AGBL4: variants seen among roughly 807,000 people sequenced by gnomAD.
AGBL4 encodes AGBL carboxypeptidase 4.
A neutral mutation model predicts 66.4 loss-of-function variants in AGBL4; 58 were observed. The ratio of observed to expected loss-of-function variants is 0.87; its 90% confidence interval spans 0.71 to 1.09. The LOEUF is 1.09. Ranked by LOEUF, AGBL4 falls within the 50% of genes least tolerant of loss-of-function variation. AGBL4 has a pLI of 0.00. For synonymous variants in AGBL4, 234 were observed against 222.9 expected (o/e 1.05, Z -0.44); for missense variants, 579 against 631.0 (o/e 0.92, Z 0.88).
chr1:49,285,297 A>T lies in AGBL4; in HGVS notation c.283-39433T>A, dbSNP rs534982838. 1.9e-3 allele frequency among the ~76,000 whole-genome samples: 289 copies of T among 152,340 alleles called. 1 individual carries two copies. Among genetic ancestry groups the T allele is most frequent in the Non-Finnish European group, 3.2e-3 (215 of 68,028 alleles). On this transcript the variant is annotated intron_variant, in intron 3 of 13. Transcript: ENST00000371839. ...TGGATACATAACGAAATGAAGGCAGAAATAAAGATGTTCTTTGAAACCAAC... is the reference window on the plus strand; with the variant it reads ...TGGATACATAACGAAATGAAGGCAGTAATAAAGATGTTCTTTGAAACCAAC...
intron 3 of AGBL4, among the ~76,000 whole-genome samples, chr1:49,514,768 C>G (rs373194232): frequency 3.9e-5 from 6 of 151,904 alleles, no homozygotes; most frequent in Admixed American, 3.3e-4. Flanking sequence ...ACAAACCTGA[C>G]AAAAACAAGC....
chr1:49,824,382 G>A (rs952370613), intron 2 of AGBL4, among the ~76,000 whole-genome samples: 15 of 152,176 alleles, frequency 9.9e-5, no homozygotes, highest in Non-Finnish European at 1.6e-4. Context: ...CTGCATTACA[G>A]TTAACAAGTG....
chr1:49,338,302 A>G (rs1411053425), intron 3 of AGBL4, among the ~76,000 whole-genome samples: 1 of 152,186 alleles, frequency 6.6e-6, no homozygotes, highest in Non-Finnish European at 1.5e-5. Context: ...ACACATTTCT[A>G]TGCCACCTCT....
intron 3 of AGBL4, among the ~76,000 whole-genome samples, chr1:49,455,570 T>A (rs1011864379): frequency 6.6e-6 from 1 of 151,686 alleles, no homozygotes; most frequent in African/African-American, 2.4e-5. Context: ...CAGGTTACTA[T>A]CTTTTCTTTC....
At chr1:49,717,671 C>T (rs752076799) in intron 2 of AGBL4, among the ~76,000 whole-genome samples, 2 of 151,868 alleles carry the variant, frequency 1.3e-5, no homozygotes, top group Admixed American at 6.6e-5. Flanking sequence ...TATTTCTATC[C>T]CCTCTAGTAA....
chr1:48,831,495 G>A lies in AGBL4; in HGVS notation c.634+35696C>T, dbSNP rs184140518. Among the ~76,000 whole-genome samples, 104 of 152,328 alleles carry A rather than the reference G, an allele frequency of 6.8e-4. 1 individual carries two copies. Among genetic ancestry groups the A allele is most frequent in the Admixed American group, 6.1e-3 (94 of 15,304 alleles). On this transcript the variant is annotated intron_variant, in intron 6 of 13. Transcript: ENST00000371839. Reference sequence around the variant, plus strand: ...AAGCCTTGCCTTACTTTGTCGGGAAGGATGTCTCTGGGCTCCCTTTATACT... The same window carrying A: ...AAGCCTTGCCTTACTTTGTCGGGAAAGATGTCTCTGGGCTCCCTTTATACT...
chr1:49,288,843 G>T (rs1644479195), intron 3 of AGBL4, among the ~76,000 whole-genome samples: 1 of 152,066 alleles, frequency 6.6e-6, no homozygotes, highest in South Asian at 2.1e-4. Context: ...AACCTCGACT[G>T]GATAAACATG....
rs561629497 is a variant in AGBL4 at position 49,082,495 on chromosome 1, G to T, written c.378-36695C>A. 7.9e-5 allele frequency among the ~76,000 whole-genome samples: 12 copies of T among 152,330 alleles called. No individual in the cohort carries two copies. The South Asian group carries it at 2.5e-3, about 32-fold the overall frequency. ...TCACATGTGGCAGGCAAGAGAGCTTGTACTGGGGAACTCCCATGTATTAAA... is the reference window on the plus strand; with the variant it reads ...TCACATGTGGCAGGCAAGAGAGCTTTTACTGGGGAACTCCCATGTATTAAA... On this transcript the variant is annotated intron_variant, in intron 4 of 13. Transcript: ENST00000371839.
intron 2 of AGBL4, among the ~76,000 whole-genome samples, chr1:49,818,096 CAT>C (rs1645276005): frequency 6.6e-6 from 1 of 151,988 alleles, no homozygotes; most frequent in African/African-American, 2.4e-5. Context: ...AATGCAATGA[CAT>C]TGATCCACAC....
intron 3 of AGBL4, among the ~76,000 whole-genome samples, chr1:49,563,813 G>A (rs1158451244): frequency 6.6e-6 from 1 of 152,140 alleles, no homozygotes; most frequent in Non-Finnish European, 1.5e-5. Flanking sequence ...TCAGGATGAT[G>A]CTGGCCTCAT....
intron 3 of AGBL4, among the ~76,000 whole-genome samples, chr1:49,456,011 C>G (rs1646380801): frequency 6.6e-6 from 1 of 151,772 alleles, no homozygotes; most frequent in South Asian, 2.1e-4. Context: ...TTCACTACTA[C>G]ATCTCCAACT....
At chr1:49,012,143 C>T (rs950892280) in intron 5 of AGBL4, among the ~76,000 whole-genome samples, 1 of 151,958 alleles carries the variant, frequency 6.6e-6, no homozygotes, top group African/African-American at 2.4e-5. Flanking sequence ...TACAGGGAAG[C>T]CTGTGACTCC....
chr1:49,119,908 G>T (rs980112916), intron 4 of AGBL4, among the ~76,000 whole-genome samples: 2 of 152,146 alleles, frequency 1.3e-5, no homozygotes, highest in Non-Finnish European at 2.9e-5. Context: ...TCTTCTTATT[G>T]AATTGATCCC....
chr1:49,542,652 C>T (rs1652140113), intron 3 of AGBL4, among the ~76,000 whole-genome samples: 2 of 152,102 alleles, frequency 1.3e-5, no homozygotes, highest in Admixed American at 1.3e-4. Context: ...AATTCCAGCA[C>T]TTTGGGAGGC....
intron 1 of AGBL4, among the ~76,000 whole-genome samples, chr1:49,978,245 T>C (rs1341484008): frequency 6.6e-6 from 1 of 152,126 alleles, no homozygotes; most frequent in Non-Finnish European, 1.5e-5. Context: ...GGCCAGGAAT[T>C]TGAGACCACC....
intron 2 of AGBL4, among the ~76,000 whole-genome samples, chr1:49,704,480 AC>A (rs1647163533): frequency 6.6e-6 from 1 of 152,104 alleles, no homozygotes; most frequent in Admixed American, 6.6e-5. Context: ...CAAATATAAA[AC>A]CCAAAATTAT....
chr1:48,684,633 G>A (rs1204011969), intron 6 of AGBL4, among the ~76,000 whole-genome samples: 1 of 152,190 alleles, frequency 6.6e-6, no homozygotes, highest in Non-Finnish European at 1.5e-5. Flanking sequence ...GCCTAACATT[G>A]TGAAAAGGCA....
At chr1:49,903,656 C>A (rs1035543517) in intron 1 of AGBL4, among the ~76,000 whole-genome samples, 10 of 152,140 alleles carry the variant, frequency 6.6e-5, no homozygotes, top group Admixed American at 1.3e-4. Context: ...GATGAAATAT[C>A]TATTACAGAT....
At chr1:49,912,698 C>T (rs923854464) in intron 1 of AGBL4, among the ~76,000 whole-genome samples, 1 of 152,146 alleles carries the variant, frequency 6.6e-6, no homozygotes, top group Non-Finnish European at 1.5e-5. Flanking sequence ...AGTTTATCTT[C>T]TTCTGCTATA....
Sources: allele counts gnomAD v4.1 joint callset (sites outside exome capture counted in the v4.1 genomes callset), GRCh38; gene constraint gnomAD v4.1.1; transcripts MANE v1.5; gene names NCBI Gene and HGNC (gene_info 2026-07-23, HGNC 2026-07-21).